Variants in SUMF1 observed in about 807,000 individuals in gnomAD.
The protein encoded by SUMF1 is sulfatase modifying factor 1.
Under a neutral mutation model 47.6 loss-of-function variants are expected in SUMF1, and 48 were observed. The observed-to-expected ratio is 1.01, with a 90% CI of 0.80 to 1.28. The LOEUF (loss-of-function observed/expected upper bound fraction) is 1.28. Among genes scored for constraint, SUMF1 ranks in the 50% most tolerant of loss-of-function variants. The pLI is 0.00. For missense variants in SUMF1, 571 were observed against 485.4 expected (o/e 1.18, Z -1.66); for synonymous variants, 230 against 192.1 (o/e 1.20, Z -1.63).
chr3:4,319,693 A>G (rs1427938972), intron 8 of SUMF1, among the ~76,000 whole-genome samples: 1 of 152,248 alleles, frequency 6.6e-6, no homozygotes, highest in Non-Finnish European at 1.5e-5. Context: ...AAACTTGTCC[A>G]CATAAAAACA....
At position 4,389,165 on chromosome 3, in the gene SUMF1, A is replaced by G. The variant is rs140263436; in HGVS notation, c.955-12776T>C. 8.9e-4 allele frequency among the ~76,000 whole-genome samples: 135 copies of G among 152,248 alleles called. 3 individuals carry two copies. The East Asian group carries it at 0.024, about 27-fold the overall frequency. On this transcript the variant is annotated intron_variant, in intron 7 of 8. Transcript: ENST00000272902. ...AGGCTGGCTAGCAACAAATTCTCTC[A>G]GTCTGCCTTTATCTGAGAATATCTT...
rs573845493 is a variant in SUMF1, at chr3:4,103,786, T to C, written c.1015-35041A>G. On this transcript the variant is annotated intron_variant and NMD_transcript_variant, in intron 8 of 12. Coordinates refer to the SUMF1 transcript ENST00000448413. ...ACGTCCTCTCTACAGATAAGAAAAC[T>C]GAACAGAGGCCAAGAACCTTGCTCC... is the stretch of plus-strand genomic sequence containing the variant. Among the ~76,000 whole-genome samples the C allele has an allele frequency of 2.0e-5, 3 of 152,196 alleles. No homozygotes were observed. The South Asian group carries it at 6.2e-4, about 32-fold the overall frequency.
intron 8 of SUMF1, among the ~76,000 whole-genome samples, chr3:4,117,142 A>G (rs1693440348): frequency 6.6e-6 from 1 of 152,130 alleles, no homozygotes; most frequent in Admixed American, 6.5e-5. Context: ...AAAATCTGGA[A>G]ACTAATTTTC....
At chr3:4,114,353 T>A (rs903658558) in intron 8 of SUMF1, among the ~76,000 whole-genome samples, 2 of 151,994 alleles carry the variant, frequency 1.3e-5, no homozygotes, top group Non-Finnish European at 2.9e-5. Flanking sequence ...AGGAAATGAG[T>A]CTAGACTACC....
chr3:4,048,139 A>G (rs1695039480), intron 9 of SUMF1, among the ~76,000 whole-genome samples: 2 of 152,110 alleles, frequency 1.3e-5, no homozygotes, highest in Admixed American at 6.6e-5. Context: ...GATTACAATT[A>G]TTTTTATTCA....
intron 3 of SUMF1, among the ~76,000 whole-genome samples, chr3:4,431,677 C>T (rs193075853): frequency 2.0e-5 from 3 of 152,268 alleles, no homozygotes; most frequent in Admixed American, 6.5e-5. Context: ...TGCCCTTCAC[C>T]GGCACAGAGC....
At chr3:4,078,902 G>A (rs1692497366) in intron 8 of SUMF1, among the ~76,000 whole-genome samples, 1 of 152,038 alleles carries the variant, frequency 6.6e-6, no homozygotes, top group Non-Finnish European at 1.5e-5. Context: ...AGGTAGTGTG[G>A]ATTTAAAGTT....
chr3:4,223,433 G>A (rs1056676951), intron 8 of SUMF1, among the ~76,000 whole-genome samples: 2 of 152,132 alleles, frequency 1.3e-5, no homozygotes, highest in Admixed American at 1.3e-4. Flanking sequence ...GGTAAAGCAT[G>A]ATGGTGCTCA....
At chr3:4,384,094 C>G (rs1700594165) in intron 7 of SUMF1, among the ~76,000 whole-genome samples, 1 of 145,120 alleles carries the variant, frequency 6.9e-6, no homozygotes, top group Non-Finnish European at 1.6e-5. Flanking sequence ...TACCATATTT[C>G]CTGCTTGTCA....
intron 8 of SUMF1, among the ~76,000 whole-genome samples, chr3:4,202,060 T>C (rs1476866030): frequency 6.6e-6 from 1 of 152,054 alleles, no homozygotes; most frequent in Non-Finnish European, 1.5e-5. Flanking sequence ...GGTTGTCTCT[T>C]CACACTGTTG....
intron 8 of SUMF1, among the ~76,000 whole-genome samples, chr3:4,132,746 G>T (rs1693821955): frequency 6.6e-6 from 1 of 152,166 alleles, no homozygotes; most frequent in African/African-American, 2.4e-5. Context: ...AACAGGCTAA[G>T]AAGGGAGTTA....
At chr3:4,181,322 C>A (rs1468183195) in intron 8 of SUMF1, among the ~76,000 whole-genome samples, 1 of 152,194 alleles carries the variant, frequency 6.6e-6, no homozygotes, top group Non-Finnish European at 1.5e-5. Context: ...GAACCCTCTG[C>A]CAGCTCAGTG....
intron 8 of SUMF1, among the ~76,000 whole-genome samples, chr3:4,276,413 G>A (rs1159378543): frequency 3.3e-5 from 5 of 152,002 alleles, no homozygotes; most frequent in African/African-American, 4.8e-5. Flanking sequence ...AGTTTTGAGC[G>A]TAATTAAAAA....
In SUMF1 at chr3:4,345,734, G is replaced by A. The variant is rs1575115415; in HGVS notation, c.1014+30596C>T. ...TAAATACCCCAGTTAAAAGACACAG[G>A]CTGGCAAATTGGATAAGGAGTCAAG... On this transcript the variant is annotated intron_variant and NMD_transcript_variant, in intron 8 of 12. Transcript: ENST00000448413. 2.0e-5 allele frequency among the ~76,000 whole-genome samples: 3 copies of A among 151,990 alleles called. No individual in the cohort carries two copies. The East Asian group carries it at 5.8e-4, about 29-fold the overall frequency.
chr3:4,410,897 C>A lies in SUMF1; in HGVS notation c.922G>T (p.Val308Phe). ...AWEWTSDWWT[V>F]HHSVEETLNP... ...AGCGTTTCTTCAACAGAATGATGAA[C>A]AGTCCACCAGTCTGAAGTCCATTCC... Residue 308 changes from valine to phenylalanine, a missense_variant, in exon 7 of 9, where the codon GTT becomes TTT. Physicochemically the swap from Val to Phe is conservative, Grantham distance 50 (BLOSUM62 -1). Coordinates refer to ENST00000272902, the MANE Select transcript of SUMF1 (RefSeq NM_182760.4). 1 of 1,614,054 alleles carries A rather than the reference C, an allele frequency of 6.2e-7. No homozygotes were observed. Among genetic ancestry groups the A allele is most frequent in the South Asian group, 1.1e-5 (1 of 91,086 alleles).
At chr3:4,355,313 C>T (rs1362343871) in intron 8 of SUMF1, among the ~76,000 whole-genome samples, 2 of 152,216 alleles carry the variant, frequency 1.3e-5, no homozygotes, top group East Asian at 1.9e-4. Flanking sequence ...GCCATGATTG[C>T]ACCACTGCCC....
chr3:4,260,403 T>G (rs932990048), intron 8 of SUMF1, among the ~76,000 whole-genome samples: 3 of 152,182 alleles, frequency 2.0e-5, no homozygotes, highest in Admixed American at 6.5e-5. Flanking sequence ...TCTGTGTCTT[T>G]ATGTGAAATT....
chr3:4,163,400 G>GAAGCA (rs1559525403), intron 8 of SUMF1, among the ~76,000 whole-genome samples: 1 of 38,688 alleles, frequency 2.6e-5, no homozygotes, highest in African/African-American at 8.7e-5. Flanking sequence ...GGGAGGGAGG[G>GAAGCA]AGGGAGGGAG....
At chr3:4,303,184 C>G in intron 8 of SUMF1, 1 of 523,240 alleles carries the variant, frequency 1.9e-6, no homozygotes, top group Non-Finnish European at 3.3e-6. Flanking sequence ...ATCTGTGGTG[C>G]CTCTGGCTGA....
Sources: gnomAD v4.1 joint callset for allele counts (sites outside exome capture counted in the v4.1 genomes callset) on GRCh38, gnomAD v4.1.1 for gene constraint, MANE v1.5 for transcripts, NCBI Gene and HGNC (gene_info 2026-07-23, HGNC 2026-07-21) for gene names.